ZFPM2: variants seen among roughly 807,000 people sequenced by gnomAD.
ZFPM2 encodes the protein zinc finger protein, FOG family member 2, also known as zinc finger protein ZFPM2.
A neutral mutation model predicts 98.6 loss-of-function variants in ZFPM2; 20 were observed. The observed-to-expected ratio is 0.20, with a 90% confidence interval of 0.14 to 0.29. The LOEUF is 0.29. Among genes scored for constraint, ZFPM2 ranks in the 10% least tolerant of loss-of-function variants. The pLI is 1.00. For missense variants in ZFPM2, 1,310 were observed against 1,388.6 expected, an observed-to-expected ratio of 0.94 and a Z score of 0.90; for synonymous variants, 518 against 502.7, an observed-to-expected ratio of 1.03 and a Z score of -0.41.
chr8:105,505,133 C>A (rs1260643973), intron 3 of ZFPM2, among the ~76,000 whole-genome samples: 1 of 152,118 alleles, frequency 6.6e-6, no homozygotes, highest in Non-Finnish European at 1.5e-5. Context: ...CTTCAGTTCT[C>A]TGAGCCTTCG....
chr8:105,745,024 A>G (rs1321811368), intron 5 of ZFPM2, among the ~76,000 whole-genome samples: 1 of 152,170 alleles, frequency 6.6e-6, no homozygotes, highest in Non-Finnish European at 1.5e-5. Context: ...ATAGAATATT[A>G]TGCACATCAC....
rs186608925 is a variant in ZFPM2 at position 105,697,630 on chromosome 8, C to A, written c.532+63273C>A. ...TATTTACTCTGGTATAACTGTATTTCCTGCTGTATAATGAAATTTTCACGG... is the reference window on the plus strand; with the variant it reads ...TATTTACTCTGGTATAACTGTATTTACTGCTGTATAATGAAATTTTCACGG... On this transcript the variant is annotated intron_variant, in intron 5 of 7. Coordinates refer to ENST00000407775, the MANE Select transcript of ZFPM2 (RefSeq NM_012082.4). 6.0e-4 allele frequency among the ~76,000 whole-genome samples: 92 copies of A among 152,148 alleles called. 2 individuals carry two copies. The East Asian group carries it at 0.017, about 29-fold the overall frequency.
At chr8:105,618,601 A>G (rs1816467650) in intron 4 of ZFPM2, among the ~76,000 whole-genome samples, 1 of 152,160 alleles carries the variant, frequency 6.6e-6, no homozygotes, top group Admixed American at 6.5e-5. Flanking sequence ...AGAAACAAGC[A>G]TTTGCTTACA....
At chr8:105,477,173 CTT>C (rs1390695227) in intron 3 of ZFPM2, among the ~76,000 whole-genome samples, 1 of 148,944 alleles carries the variant, frequency 6.7e-6, no homozygotes, top group Non-Finnish European at 1.5e-5. Flanking sequence ...AATTGGTTGA[CTT>C]GTGCTTAATA....
At chr8:105,393,941 T>C (rs185319562) in intron 1 of ZFPM2, among the ~76,000 whole-genome samples, 195 of 151,044 alleles carry the variant, frequency 1.3e-3, no homozygotes, top group African/African-American at 4.4e-3. Flanking sequence ...TCACCCAGGC[T>C]GGTGTGCAGT....
At chr8:105,358,856 G>A (rs1425209074) in intron 1 of ZFPM2, among the ~76,000 whole-genome samples, 1 of 152,168 alleles carries the variant, frequency 6.6e-6, no homozygotes, top group African/African-American at 2.4e-5. Flanking sequence ...TTGGGAGGCT[G>A]AGGCAGGAGA....
chr8:105,526,519 C>A (rs1814177112), intron 3 of ZFPM2, among the ~76,000 whole-genome samples: 1 of 152,128 alleles, frequency 6.6e-6, no homozygotes, highest in Non-Finnish European at 1.5e-5. Context: ...AATACAGAAA[C>A]TACCTGACTA....
chr8:105,372,470 C>G (rs1810643712), intron 1 of ZFPM2, among the ~76,000 whole-genome samples: 1 of 151,820 alleles, frequency 6.6e-6, no homozygotes, highest in Non-Finnish European at 1.5e-5. Flanking sequence ...TTGAAATATA[C>G]AAAATAAATT....
chr8:105,697,067 CAT>C (rs957044380), intron 5 of ZFPM2, among the ~76,000 whole-genome samples: 4 of 152,170 alleles, frequency 2.6e-5, no homozygotes, highest in Admixed American at 2.0e-4. Flanking sequence ...TCTGTGAACA[CAT>C]GATTATCTGC....
chr8:105,403,828 G>A (rs762996854), intron 1 of ZFPM2, among the ~76,000 whole-genome samples: 3 of 151,972 alleles, frequency 2.0e-5, no homozygotes, highest in Non-Finnish European at 4.4e-5. Context: ...AGCGTCTAGC[G>A]TGATTCCTGG....
At chr8:105,353,170 G>T (rs965995721) in intron 1 of ZFPM2, among the ~76,000 whole-genome samples, 5 of 151,932 alleles carry the variant, frequency 3.3e-5, no homozygotes, top group African/African-American at 9.7e-5. Flanking sequence ...TACTTTCTTG[G>T]GTATCAGAGG....
At chr8:105,750,476 A>G (rs1303686305) in intron 5 of ZFPM2, among the ~76,000 whole-genome samples, 1 of 152,096 alleles carries the variant, frequency 6.6e-6, no homozygotes, top group Non-Finnish European at 1.5e-5. Context: ...TTTAAAATTA[A>G]TATCATTCAA....
intron 1 of ZFPM2, among the ~76,000 whole-genome samples, chr8:105,411,033 A>C (rs1377300090): frequency 6.6e-6 from 1 of 151,832 alleles, no homozygotes; most frequent in Non-Finnish European, 1.5e-5. Context: ...AGTGGGATAA[A>C]CTTTCTCCAA....
At chr8:105,701,787 A>G (rs1811147341) in intron 5 of ZFPM2, among the ~76,000 whole-genome samples, 1 of 152,214 alleles carries the variant, frequency 6.6e-6, no homozygotes, top group Non-Finnish European at 1.5e-5. Context: ...ACCTGAAACT[A>G]CAGTCATTTT....
At chr8:105,556,578 A>G (rs1814995707) in intron 3 of ZFPM2, among the ~76,000 whole-genome samples, 1 of 152,200 alleles carries the variant, frequency 6.6e-6, no homozygotes, top group African/African-American at 2.4e-5. Context: ...AACCCATTCC[A>G]GCGTGTATCC....
At chr8:105,515,351 A>T (rs1421942533) in intron 3 of ZFPM2, among the ~76,000 whole-genome samples, 1 of 152,146 alleles carries the variant, frequency 6.6e-6, no homozygotes, top group East Asian at 1.9e-4. Flanking sequence ...AGGAGGATTG[A>T]GTGTTTATTG....
intron 1 of ZFPM2, among the ~76,000 whole-genome samples, chr8:105,378,776 A>G (rs1256204501): frequency 6.6e-6 from 1 of 152,172 alleles, no homozygotes; most frequent in African/African-American, 2.4e-5. Context: ...CAAATGAGAT[A>G]AAGAAGAAGA....
At chr8:105,411,328 C>T (rs1811573359) in intron 1 of ZFPM2, among the ~76,000 whole-genome samples, 1 of 151,652 alleles carries the variant, frequency 6.6e-6, no homozygotes, top group Non-Finnish European at 1.5e-5. Context: ...CCCACCCTGC[C>T]ACCAGTCTCA....
At position 105,318,808 on chromosome 8, in the gene ZFPM2, C is replaced by A; in HGVS notation, c.-134C>A. 1 of 316,894 alleles carries A rather than the reference C, an allele frequency of 3.2e-6. No individual in the cohort carries two copies. Among genetic ancestry groups the A allele is most frequent in the Non-Finnish European group, 4.5e-6 (1 of 219,796 alleles). 19.6% of individuals were successfully genotyped at this position (316,894 alleles called of 1,614,324 possible). ...TCCCGGAGGAGCCCAGCGCCCGGAG[C>A]ACCTGGAGTCCGGCCGGCGGCGGGC... On this transcript the variant is annotated 5_prime_UTR_variant, in exon 1 of 8. Coordinates refer to ENST00000407775, the MANE Select transcript of ZFPM2 (RefSeq NM_012082.4).
Sources: gnomAD v4.1 joint callset for allele counts (sites outside exome capture counted in the v4.1 genomes callset) on GRCh38, gnomAD v4.1.1 for gene constraint, MANE v1.5 for transcripts, NCBI Gene and HGNC (gene_info 2026-07-23, HGNC 2026-07-21) for gene names.